The following STK10 variants were observed in gnomAD, a reference collection of about 807,000 sequenced individuals.
STK10 encodes the protein serine/threonine kinase 10, also known as serine/threonine-protein kinase 10.
Under a neutral mutation model 113.8 loss-of-function variants are expected in STK10, and 78 were observed. The observed-to-expected ratio is 0.69, with a 90% CI of 0.57 to 0.83. The LOEUF (loss-of-function observed/expected upper bound fraction) is 0.83. STK10 is among the 40% of genes least tolerant of loss of function. The pLI is 0.00. For synonymous variants in STK10, 465 were observed against 494.7 expected (o/e 0.94, Z 0.80); for missense variants, 1,109 against 1,280.1 (o/e 0.87, Z 2.04).
rs1464528404 is a variant in STK10 at position 172,087,785 on chromosome 5, C to T, written c.1685+2447G>A. ...CTGGGACTACAGGCGCCCGCCACCGCGCCCGGCTAATTTTTTGTATTTTTA... is the reference window on the plus strand; with the variant it reads ...CTGGGACTACAGGCGCCCGCCACCGTGCCCGGCTAATTTTTTGTATTTTTA... On this transcript the variant is annotated intron_variant, in intron 10 of 18. Coordinates refer to ENST00000176763, the MANE Select transcript of STK10 (RefSeq NM_005990.4). Among the ~76,000 whole-genome samples the T allele has an allele frequency of 2.7e-4, 34 of 127,730 alleles. 8 individuals carry two copies. Among genetic ancestry groups the T allele is most frequent in the African/African-American group, 1.0e-3 (31 of 29,600 alleles). 83.8% of individuals were successfully genotyped at this position (127,730 alleles called of 152,430 possible). A position where few individuals can be genotyped will look rare whatever the true frequency, so the allele number is the denominator to read the frequency against.
chr5:172,055,534 C>T (rs1173968491), intron 16 of STK10, 54 bp downstream of exon 16: 2 of 1,354,982 alleles, frequency 1.5e-6, no homozygotes, highest in East Asian at 5.6e-5. Context: ...CCCGCCAAAC[C>T]TGGCCCTGCC....
intron 10 of STK10, among the ~76,000 whole-genome samples, chr5:172,089,485 A>G (rs1768645979): frequency 7.7e-6 from 1 of 129,122 alleles, no homozygotes; most frequent in African/African-American, 3.6e-5. Context: ...TGGGTAGATG[A>G]GTGGGTGGGT....
At chr5:172,130,138 G>A (rs527543053) in intron 2 of STK10, among the ~76,000 whole-genome samples, 1 of 152,214 alleles carries the variant, frequency 6.6e-6, no homozygotes, top group South Asian at 2.1e-4. Flanking sequence ...CCTACCATCT[G>A]TATGGCCTTG....
intron 3 of STK10, among the ~76,000 whole-genome samples, chr5:172,125,066 C>A (rs868067718): frequency 1.3e-5 from 2 of 152,160 alleles, no homozygotes; most frequent in East Asian, 1.9e-4. Flanking sequence ...CTCAGCATTG[C>A]TGGTGTGTAA....
intron 18 of STK10, 121 bp downstream of exon 18, chr5:172,052,806 ATT>A: frequency 1.1e-6 from 1 of 902,152 alleles, no homozygotes; most frequent in Non-Finnish European, 1.7e-6. Context: ...CTGGAGATCC[ATT>A]TGATGGTGCC....
At chr5:172,180,960 A>G (rs992221906) in intron 1 of STK10, among the ~76,000 whole-genome samples, 1 of 152,268 alleles carries the variant, frequency 6.6e-6, no homozygotes, top group Non-Finnish European at 1.5e-5. Flanking sequence ...CTAAGGTCGT[A>G]TTTGGTTACA....
chr5:172,175,992 G>C (rs1770752204), intron 1 of STK10, among the ~76,000 whole-genome samples: 1 of 152,124 alleles, frequency 6.6e-6, no homozygotes, highest in Non-Finnish European at 1.5e-5. Context: ...CATCTATCTT[G>C]TTCACTTTGG....
intron 18 of STK10, among the ~76,000 whole-genome samples, chr5:172,050,366 C>T (rs1230445836): frequency 2.0e-5 from 3 of 152,096 alleles, no homozygotes; most frequent in Non-Finnish European, 2.9e-5. Context: ...GCTGAACTCG[C>T]CACTTGATTC....
Position 172,064,905 on chromosome 5 carries a change from A to G in STK10, c.1990-93T>C, listed in dbSNP as rs1581137425. On this transcript the variant is annotated intron_variant, in intron 12 of 18. Coordinates refer to ENST00000176763, the MANE Select transcript of STK10 (RefSeq NM_005990.4). ...AACGCAGAACCCCCGGGCCAGAGAA[A>G]CCAAAGAAGAGGCTCAGCTTTGCAG... The G allele has an allele frequency of 1.1e-5, 16 of 1,397,568 alleles. No homozygotes were observed. The East Asian group carries it at 3.7e-4, about 32-fold the overall frequency. 86.6% of individuals were successfully genotyped at this position (1,397,568 alleles called of 1,614,324 possible).
intron 12 of STK10, among the ~76,000 whole-genome samples, chr5:172,065,233 T>C (rs563764669): frequency 3.0e-4 from 45 of 152,232 alleles, no homozygotes; most frequent in East Asian, 5.8e-4. Flanking sequence ...TGACAAACCA[T>C]TGTCATATTT....
At chr5:172,135,767 G>A (rs573142980) in intron 2 of STK10, among the ~76,000 whole-genome samples, 76 of 152,280 alleles carry the variant, frequency 5.0e-4, no homozygotes, top group African/African-American at 1.6e-3. Context: ...GGCCAGGCAC[G>A]TTGGCTCACG....
At chr5:172,053,207 A>G (rs1176813446) in intron 17 of STK10, 165 bp from the exon 18 acceptor site, 1 of 610,094 alleles carries the variant, frequency 1.6e-6, no homozygotes, top group Non-Finnish European at 2.9e-6. Context: ...AATCACATGC[A>G]CCAAGAAGTG....
In STK10 at chr5:172,064,821, G is replaced by A. The variant is rs767145378; in HGVS notation, c.1990-9C>T. The A allele has an allele frequency of 1.2e-6, 2 of 1,613,982 alleles. No homozygotes were observed. Among genetic ancestry groups the A allele is most frequent in the Non-Finnish European group, 8.5e-7 (1 of 1,180,010 alleles). On this transcript the variant is annotated splice_polypyrimidine_tract_variant and intron_variant, in intron 12 of 18. Transcript: ENST00000176763. Reference sequence around the variant, plus strand: ...TCCACCTCGTTCTTCACCTGCAGCAGAGACAGCAGAGAGTAGCTGGGTCAG... The same window carrying A: ...TCCACCTCGTTCTTCACCTGCAGCAAAGACAGCAGAGAGTAGCTGGGTCAG...
intron 1 of STK10, among the ~76,000 whole-genome samples, chr5:172,180,565 CG>C (rs1210746544): frequency 2.0e-5 from 3 of 151,748 alleles, no homozygotes; most frequent in Non-Finnish European, 4.4e-5. Flanking sequence ...CCGAGGCAGG[CG>C]GATCACTTGA....
intron 1 of STK10, among the ~76,000 whole-genome samples, chr5:172,165,161 C>G (rs1581187398): frequency 1.3e-5 from 2 of 152,080 alleles, no homozygotes; most frequent in Non-Finnish European, 2.9e-5. Context: ...ACCCCCAGGC[C>G]CTCCCCTTCC....
At chr5:172,152,059 G>A (rs1770245722) in intron 2 of STK10, among the ~76,000 whole-genome samples, 1 of 152,216 alleles carries the variant, frequency 6.6e-6, no homozygotes, top group African/African-American at 2.4e-5. Context: ...TGTCCATCGT[G>A]TTTACAGCAC....
intron 1 of STK10, among the ~76,000 whole-genome samples, chr5:172,174,233 G>A (rs1770714605): frequency 6.6e-6 from 1 of 152,030 alleles, no homozygotes; most frequent in South Asian, 2.1e-4. Flanking sequence ...GTGCAGTGGC[G>A]CAATCTCAGC....
chr5:172,071,520 C>T (rs548410998), intron 12 of STK10, among the ~76,000 whole-genome samples: 12 of 152,076 alleles, frequency 7.9e-5, no homozygotes, highest in Non-Finnish European at 1.5e-4. Flanking sequence ...ACCTGTCCTC[C>T]GACTGACTCT....
chr5:172,104,642 C>CT (rs1769059530), intron 7 of STK10, among the ~76,000 whole-genome samples: 2 of 152,114 alleles, frequency 1.3e-5, no homozygotes, highest in South Asian at 4.1e-4. Flanking sequence ...CTGCAGGACC[C>CT]TGTGTGCAGA....
Sources: allele counts gnomAD v4.1 joint callset (sites outside exome capture counted in the v4.1 genomes callset), GRCh38; gene constraint gnomAD v4.1.1; transcripts MANE v1.5; gene names NCBI Gene and HGNC (gene_info 2026-07-23, HGNC 2026-07-21).